Variants in TRPV1 observed in about 807,000 individuals in gnomAD.
TRPV1 encodes the protein transient receptor potential cation channel subfamily V member 1, also known as OTRPC1.
Under a neutral mutation model 82.3 loss-of-function variants are expected in TRPV1, and 82 were observed. That is an observed-to-expected ratio of 1.00 (90% CI 0.83 to 1.20). TRPV1 has a LOEUF of 1.20. Ranked by LOEUF, TRPV1 falls within the 50% of genes most tolerant of loss-of-function variation. The pLI, the probability that TRPV1 is intolerant of heterozygous loss-of-function variation, is 0.00. For missense variants in TRPV1, 1,067 were observed against 1,096.8 expected (o/e 0.97, Z 0.38); for synonymous variants, 515 against 467.7 (o/e 1.10, Z -1.30).
chr17:3,589,149 G>A (rs1181326736), intron 7 of TRPV1, among the ~76,000 whole-genome samples: 2 of 150,858 alleles, frequency 1.3e-5, no homozygotes, highest in African/African-American at 2.5e-5. Context: ...GTTACCTAAA[G>A]CTCCTGCCTG....
At chr17:3,576,827 C>A (rs1391211383) in intron 13 of TRPV1, among the ~76,000 whole-genome samples, 1 of 126,990 alleles carries the variant, frequency 7.9e-6, no homozygotes, top group Non-Finnish European at 1.6e-5. Context: ...CCAGCCTTGG[C>A]GACAGAGTGA....
At chr17:3,588,824 A>AC (rs1439669260) in intron 7 of TRPV1, 21 of 1,323,140 alleles carry the variant, frequency 1.6e-5, no homozygotes, top group Middle Eastern at 1.8e-4. Context: ...AAAAAAAAAA[A>AC]AAAAAACAAA....
rs763272416 is a variant in TRPV1 at position 3,577,697 on chromosome 17, C to T, written c.1614G>A (p.Val538=). The T allele has an allele frequency of 6.3e-7, 1 of 1,589,798 alleles. No individual in the cohort carries two copies. The highest frequency in any genetic ancestry group is 8.6e-7 in the Non-Finnish European group (1 of 1,168,656). ...AGGCCAGGGAGAATACCATGGAAGC[C>T]ACATACTCCTTGAGGTGGCTGAAGT... ...VLYFSHLKEY[V]ASMVFSLALG... Residue 538 remains valine (V), a synonymous_variant, in exon 12 of 17, where the codon GTG becomes GTA. Transcript: ENST00000572705.
chr17:3,606,135 A>G (rs1264512487), intron 2 of TRPV1, among the ~76,000 whole-genome samples: 2 of 152,000 alleles, frequency 1.3e-5, no homozygotes, highest in Non-Finnish European at 2.9e-5. Context: ...ATTTTTTTGT[A>G]TTTTTAGTAG....
intron 2 of TRPV1, chr17:3,595,661 C>T (rs543906977): frequency 1.3e-5 from 2 of 152,258 alleles, no homozygotes; most frequent in African/African-American, 4.8e-5. Flanking sequence ...AGCAAGAGAG[C>T]ACCTGTTAGC....
intron 2 of TRPV1, among the ~76,000 whole-genome samples, chr17:3,594,026 G>A (rs1428755609): frequency 6.6e-6 from 1 of 151,332 alleles, no homozygotes; most frequent in African/African-American, 2.4e-5. Flanking sequence ...TACTCGGGAG[G>A]CTGAGGCAGG....
intron 2 of TRPV1, among the ~76,000 whole-genome samples, chr17:3,598,490 C>T (rs998980070): frequency 2.0e-5 from 3 of 151,756 alleles, no homozygotes; most frequent in South Asian, 2.1e-4. Flanking sequence ...TTGCCCAGGC[C>T]GCACGTTGGT....
At chr17:3,573,496 C>T (rs932366576) in intron 14 of TRPV1, 137 bp downstream of exon 14, 17 of 922,940 alleles carry the variant, frequency 1.8e-5, no homozygotes, top group African/African-American at 6.7e-5. Context: ...GGTAAGGCAG[C>T]GGATAGAGAG....
At chr17:3,587,338 C>T (rs1454632713) in intron 8 of TRPV1, among the ~76,000 whole-genome samples, 4 of 152,206 alleles carry the variant, frequency 2.6e-5, no homozygotes, top group Non-Finnish European at 4.4e-5. Flanking sequence ...AAGCCCCTCA[C>T]TGCTGATGGC....
chr17:3,569,093 G>T (rs923209587), intron 16 of TRPV1, among the ~76,000 whole-genome samples: 1 of 151,384 alleles, frequency 6.6e-6, no homozygotes, highest in Non-Finnish European at 1.5e-5. Flanking sequence ...CAGGAAGGGG[G>T]ACATCACACA....
intron 2 of TRPV1, chr17:3,601,808 T>C (rs1380829654): frequency 1.3e-5 from 2 of 150,846 alleles, no homozygotes; most frequent in East Asian, 2.0e-4. Context: ...CTTGCCAGAC[T>C]GGTCTCAAAC....
chr17:3,572,129 A>G lies in TRPV1; in HGVS notation c.2224T>C (p.Cys742Arg), dbSNP rs2074862206. Reference sequence around the variant, plus strand: ...GTGGAGCCTGGGCATTACCTGAAGCACCACCGGTAGTCGTCCTTGCCATCA... The same window carrying G: ...GTGGAGCCTGGGCATTACCTGAAGCGCCACCGGTAGTCGTCCTTGCCATCA... ...TPDGKDDYRW[C>R]FRVDEVNWTT... The change falls in exon 15 of 17, where the codon TGC (cysteine) becomes CGC (arginine). Residue 742 changes from cysteine to arginine, a missense_variant. By Grantham distance (180) the Cys-to-Arg change is radical (BLOSUM62 -3). Coordinates refer to ENST00000572705, the MANE Select transcript of TRPV1 (RefSeq NM_080704.4). 1.2e-6 allele frequency: 2 copies of G among 1,613,078 alleles called. No homozygotes were observed. Among genetic ancestry groups the G allele is most frequent in the Non-Finnish European group, 1.7e-6 (2 of 1,179,426 alleles).
At chr17:3,572,082 A>G (rs1284954123) in intron 15 of TRPV1, 40 bp downstream of exon 15, 1 of 1,601,096 alleles carries the variant, frequency 6.2e-7, no homozygotes, top group Non-Finnish European at 8.5e-7. Context: ...GTGAGCCCCA[A>G]AGCTCCCAAG....
At chr17:3,592,025 C>A (rs759835199) in intron 3 of TRPV1, 42 bp downstream of exon 3, 1 of 1,590,178 alleles carries the variant, frequency 6.3e-7, no homozygotes, top group Non-Finnish European at 8.6e-7. Context: ...CCATGGCCAG[C>A]TGGGCTCCCA....
rs202240327 is a variant in TRPV1, at chr17:3,585,789, G to A, written c.1362C>T (p.Tyr454=). Residue 454 remains tyrosine (Y), a synonymous_variant, in exon 9 of 17, where the codon TAC becomes TAT. Transcript: ENST00000572705. The part of the protein sequence containing the change: ...LYMIIFTMAA[Y]YRPVDGLPPF... ...GCACCAAGCCATCCACGGGCCTGTAGTAGGCAGCCATGGTGAAGATGATCA... is the reference window on the plus strand; with the variant it reads ...GCACCAAGCCATCCACGGGCCTGTAATAGGCAGCCATGGTGAAGATGATCA... 13 of 1,613,548 alleles carry A rather than the reference G, an allele frequency of 8.1e-6. No individual in the cohort carries two copies. The highest frequency in any genetic ancestry group is 1.1e-5 in the Non-Finnish European group (13 of 1,179,772).
At chr17:3,590,579 G>A (rs1422399584) in intron 5 of TRPV1, among the ~76,000 whole-genome samples, 187 bp from the exon 6 acceptor site, 2 of 152,200 alleles carry the variant, frequency 1.3e-5, no homozygotes, top group Admixed American at 6.5e-5. Flanking sequence ...AAGGTCCTGA[G>A]ACAGGAGACC....
intron 16 of TRPV1, among the ~76,000 whole-genome samples, chr17:3,570,231 G>A (rs865792385): frequency 6.6e-6 from 1 of 152,046 alleles, no homozygotes; most frequent in Non-Finnish European, 1.5e-5. Context: ...TGAGCCGGGC[G>A]TGGTGGCAGG....
rs762915410 is a variant in TRPV1, at chr17:3,590,035, G to C, written c.816C>G (p.Ser272=). ...LGIVKFLLQN[S]WQTADISARD... ...TGGCGCTGATGTCGGCCGTCTGCCA[G>C]GAGTTCTGCAGCAGGAACTTCACGA... The change falls in exon 7 of 17, where the codon TCC becomes TCG. Residue 272 remains serine (S), a synonymous_variant. Coordinates refer to ENST00000572705, the MANE Select transcript of TRPV1 (RefSeq NM_080704.4). 2 of 1,581,904 alleles carry C rather than the reference G, an allele frequency of 1.3e-6. No homozygotes were observed. Among genetic ancestry groups the C allele is most frequent in the Admixed American group, 3.7e-5 (2 of 54,318 alleles).
Position 3,566,966 on chromosome 17 carries a change from T to G in TRPV1, c.2369A>C (p.Asn790Thr). The change falls in exon 17 of 17, where the codon AAC (asparagine) becomes ACC (threonine). Residue 790 changes from asparagine to threonine, a missense_variant. By Grantham distance (65) the Asn-to-Thr change is moderately conservative. Transcript: ENST00000572705. ...TCTTAAAAGGGGGACCAGGGCAAAG[T>G]TCTTCCAGTGTCTGCCTGAAACTGA... ...SSRVSGRHWK[N>T]FALVPLLREA... 6.2e-7 allele frequency: 1 copy of G among 1,613,876 alleles called. No individual in the cohort carries two copies. Among genetic ancestry groups the G allele is most frequent in the Non-Finnish European group, 8.5e-7 (1 of 1,179,852 alleles).
Sources: gnomAD v4.1 joint callset for allele counts (sites outside exome capture counted in the v4.1 genomes callset) on GRCh38, gnomAD v4.1.1 for gene constraint, MANE v1.5 for transcripts, NCBI Gene and HGNC (gene_info 2026-07-23, HGNC 2026-07-21) for gene names.